WWC1: variants seen among roughly 807,000 people sequenced by gnomAD.
WWC1 encodes the protein WW and C2 domain containing 1.
WWC1 carries 55 observed loss-of-function variants against 138.4 expected under a neutral mutation model. That is an observed-to-expected ratio of 0.40 (90% CI 0.32 to 0.50). WWC1 has a LOEUF of 0.50. Among genes scored for constraint, WWC1 ranks in the 20% least tolerant of loss-of-function variants. The pLI is 0.72. For missense variants in WWC1, 1,226 were observed against 1,420.4 expected (o/e 0.86, Z 2.20); for synonymous variants, 524 against 564.9 (o/e 0.93, Z 1.03).
intron 2 of WWC1, among the ~76,000 whole-genome samples, chr5:168,376,635 A>C (rs980315423): frequency 2.0e-5 from 3 of 152,186 alleles, no homozygotes; most frequent in Non-Finnish European, 4.4e-5. Context: ...GTAAACCAAT[A>C]ATGTTCAAAC....
At chr5:168,351,702 G>C (rs759079034) in intron 1 of WWC1, among the ~76,000 whole-genome samples, 17 of 152,194 alleles carry the variant, frequency 1.1e-4, no homozygotes, top group Admixed American at 3.9e-4. Flanking sequence ...GGGCAGCCCA[G>C]GCAAAGAGGA....
intron 1 of WWC1, among the ~76,000 whole-genome samples, chr5:168,336,954 A>G (rs965563015): frequency 1.3e-5 from 2 of 152,172 alleles, no homozygotes; most frequent in Non-Finnish European, 2.9e-5. Flanking sequence ...TGTGCTCAAC[A>G]TATGTGAGCT....
intron 1 of WWC1, among the ~76,000 whole-genome samples, chr5:168,349,594 C>T (rs544635789): frequency 3.3e-5 from 5 of 152,300 alleles, no homozygotes; most frequent in Admixed American, 1.3e-4. Context: ...GGCACACAGT[C>T]GGTAAGTGGC....
At chr5:168,424,353 C>T (rs921534463) in intron 11 of WWC1, among the ~76,000 whole-genome samples, 1 of 152,180 alleles carries the variant, frequency 6.6e-6, no homozygotes, top group African/African-American at 2.4e-5. Flanking sequence ...ATGGATTCAT[C>T]TATTCATGAT....
At chr5:168,396,768 C>G (rs1333585231) in intron 3 of WWC1, among the ~76,000 whole-genome samples, 1 of 151,978 alleles carries the variant, frequency 6.6e-6, no homozygotes, top group African/African-American at 2.4e-5. Flanking sequence ...CCTTAAAATC[C>G]TTTTTCAAGA....
chr5:168,429,315 G>A (rs917299812), intron 13 of WWC1, among the ~76,000 whole-genome samples: 1 of 146,642 alleles, frequency 6.8e-6, no homozygotes, highest in Admixed American at 6.9e-5. Flanking sequence ...CTGGAGTGCA[G>A]TGGTGTGATC....
chr5:168,392,468 C>G (rs538394545), intron 3 of WWC1, among the ~76,000 whole-genome samples: 1 of 152,348 alleles, frequency 6.6e-6, no homozygotes, highest in Non-Finnish European at 1.5e-5. Context: ...GGGAGGATCA[C>G]TTGAAGCCAA....
rs559237179 is a variant in WWC1, at chr5:168,311,874, C to T, written c.119+19603C>T. ...TCTAGGCAACAGAGCAAGACTCAGT[C>T]TAAAAAAAAAAAAAAATTACAAAAA... On this transcript the variant is annotated intron_variant, in intron 1 of 22. Coordinates refer to ENST00000265293, the MANE Select transcript of WWC1 (RefSeq NM_015238.3). 3.0e-3 allele frequency among the ~76,000 whole-genome samples: 439 copies of T among 144,784 alleles called. 2 individuals carry two copies. The highest frequency in any genetic ancestry group is 0.011 in the African/African-American group (412 of 37,288). The allele number at this position is 144,784 out of a possible 152,430, so 95.0% of individuals were successfully genotyped here.
chr5:168,455,105 G>A (rs578015740), intron 18 of WWC1, among the ~76,000 whole-genome samples: 4 of 152,300 alleles, frequency 2.6e-5, no homozygotes, highest in South Asian at 2.1e-4. Flanking sequence ...TTGTTTGGGG[G>A]CTGAATGTGC....
chr5:168,390,119 G>A (rs1040189023), intron 3 of WWC1, among the ~76,000 whole-genome samples: 6 of 152,176 alleles, frequency 3.9e-5, no homozygotes, highest in Middle Eastern at 6.3e-3. Context: ...CCTTGCACAA[G>A]TTATGCCACT....
At chr5:168,307,299 C>A (rs1048402952) in intron 1 of WWC1, among the ~76,000 whole-genome samples, 3 of 152,344 alleles carry the variant, frequency 2.0e-5, no homozygotes, top group Admixed American at 2.0e-4. Context: ...TCTTTACCAT[C>A]ACGTAGGTCA....
intron 1 of WWC1, among the ~76,000 whole-genome samples, chr5:168,300,347 A>G (rs1435169142): frequency 6.6e-6 from 1 of 152,156 alleles, no homozygotes; most frequent in Non-Finnish European, 1.5e-5. Flanking sequence ...AATATTCTCT[A>G]AAGATGCAGG....
At chr5:168,426,520 C>T (rs1052867837) in intron 11 of WWC1, among the ~76,000 whole-genome samples, 6 of 152,210 alleles carry the variant, frequency 3.9e-5, no homozygotes, top group Non-Finnish European at 5.9e-5. Context: ...CTGCAGCAAG[C>T]AATGCCAGGC....
chr5:168,389,361 C>T (rs1239333647), intron 3 of WWC1, among the ~76,000 whole-genome samples: 3 of 150,826 alleles, frequency 2.0e-5, no homozygotes, highest in African/African-American at 4.9e-5. Flanking sequence ...GCAGGAGAAT[C>T]GCTTGCTTGA....
intron 6 of WWC1, 124 bp from the exon 7 acceptor site, chr5:168,408,383 A>G: frequency 9.0e-7 from 1 of 1,116,868 alleles, no homozygotes; most frequent in Non-Finnish European, 1.3e-6. Context: ...GATCAGTAGG[A>G]TATCTGGGGA....
intron 3 of WWC1, among the ~76,000 whole-genome samples, chr5:168,390,114 C>T (rs1305087554): frequency 2.0e-5 from 3 of 152,160 alleles, no homozygotes; most frequent in African/African-American, 7.2e-5. Flanking sequence ...TGTAACCTTG[C>T]ACAAGTTATG....
intron 17 of WWC1, among the ~76,000 whole-genome samples, chr5:168,445,191 G>A (rs2152875321): frequency 6.6e-6 from 1 of 151,984 alleles, no homozygotes; most frequent in East Asian, 1.9e-4. Context: ...GGGCACGCCT[G>A]TAATCCCAGC....
In WWC1 at chr5:168,349,263, G is replaced by C. The variant is rs139678456; in HGVS notation, c.120-22161G>C. Among the ~76,000 whole-genome samples, 432 of 152,208 alleles carry C rather than the reference G, an allele frequency of 2.8e-3. 2 individuals carry two copies. Among genetic ancestry groups the C allele is most frequent in the Non-Finnish European group, 4.6e-3 (313 of 68,012 alleles). On this transcript the variant is annotated intron_variant, in intron 1 of 22. Transcript: ENST00000265293. ...ATGCAGGTGTAGGCCTCTTGGGCAC[G>C]TGGGTTTCTGACACCCCCACCCAGT...
At chr5:168,305,540 G>T (rs1051910763) in intron 1 of WWC1, among the ~76,000 whole-genome samples, 3 of 152,154 alleles carry the variant, frequency 2.0e-5, no homozygotes, top group Admixed American at 2.0e-4. Flanking sequence ...ATTAAGCCAG[G>T]GTTGAATGCT....
Sources: allele counts gnomAD v4.1 joint callset (sites outside exome capture counted in the v4.1 genomes callset), GRCh38; gene constraint gnomAD v4.1.1; transcripts MANE v1.5; gene names NCBI Gene and HGNC (gene_info 2026-07-23, HGNC 2026-07-21).